Variants in FYB1 observed in about 807,000 individuals in gnomAD.
FYB1 encodes the protein FYN-binding protein 1.
FYB1 carries 41 observed loss-of-function variants against 94.1 expected under a neutral mutation model. That is an observed-to-expected ratio of 0.44 (90% CI 0.34 to 0.57). The LOEUF (loss-of-function observed/expected upper bound fraction) is 0.57. Among genes scored for constraint, FYB1 ranks in the 20% least tolerant of loss-of-function variants. FYB1 has a pLI of 0.02. For missense variants in FYB1, 1,050 were observed against 976.8 expected (o/e 1.07, Z -1.00); for synonymous variants, 367 against 353.2 (o/e 1.04, Z -0.44).
At chr5:39,239,247 A>G (rs1467929006) in intron 1 of FYB1, among the ~76,000 whole-genome samples, 2 of 152,122 alleles carry the variant, frequency 1.3e-5, no homozygotes, top group Non-Finnish European at 2.9e-5. Context: ...TTTGAGAACC[A>G]GAACAAGAAA....
At chr5:39,222,474 A>G (rs370320597), upstream of FYB1, among the ~76,000 whole-genome samples, 8 of 152,348 alleles carry the variant, frequency 5.3e-5, 1 homozygote, top group African/African-American at 1.9e-4. Context: ...CCAGCAATTT[A>G]TATCTCTCAG....
At chr5:39,253,649 G>T (rs940581801) in intron 1 of FYB1, among the ~76,000 whole-genome samples, 2 of 151,738 alleles carry the variant, frequency 1.3e-5, no homozygotes, top group Admixed American at 1.3e-4. Context: ...TGTGTTGTAA[G>T]GTATAGGATT....
intron 1 of FYB1, among the ~76,000 whole-genome samples, chr5:39,265,915 T>C (rs1752419081): frequency 6.6e-6 from 1 of 151,704 alleles, no homozygotes. Flanking sequence ...GGAGCTCCCA[T>C]GTAGCTTAAA....
intron 7 of FYB1, 86 bp downstream of exon 7, chr5:39,137,514 A>G: frequency 2.8e-6 from 4 of 1,429,124 alleles, no homozygotes; most frequent in East Asian, 2.5e-5. Context: ...TTCTTCAACT[A>G]TGTAAGTTTT....
intron 2 of FYB1, among the ~76,000 whole-genome samples, chr5:39,195,552 G>C (rs1040336763): frequency 6.6e-6 from 1 of 152,208 alleles, no homozygotes; most frequent in South Asian, 2.1e-4. Context: ...CAGATGAGGA[G>C]GGGGCCATCA....
At chr5:39,254,792 T>G (rs1751863175) in intron 1 of FYB1, among the ~76,000 whole-genome samples, 1 of 152,116 alleles carries the variant, frequency 6.6e-6, no homozygotes, top group African/African-American at 2.4e-5. Flanking sequence ...AGAGAAATGC[T>G]GAAGACAGGA....
chr5:39,222,099 T>G (rs1439300187), upstream of FYB1, among the ~76,000 whole-genome samples: 1 of 152,208 alleles, frequency 6.6e-6, no homozygotes, highest in African/African-American at 2.4e-5. Flanking sequence ...CTTCATGGAA[T>G]GTACTGCCCC....
At chr5:39,141,893 A>G (rs997832871) in intron 3 of FYB1, among the ~76,000 whole-genome samples, 10 of 151,150 alleles carry the variant, frequency 6.6e-5, no homozygotes, top group Non-Finnish European at 1.2e-4. Context: ...AAAAAAACTT[A>G]CATAGTTCCA....
chr5:39,139,769 TGTG>T (rs1322610852), intron 4 of FYB1: 1 of 152,134 alleles, frequency 6.6e-6, no homozygotes, highest in African/African-American at 2.4e-5. Flanking sequence ...ATAAAAACAG[TGTG>T]GTGTTGGTAT....
chr5:39,222,804 T>C (rs942450342), upstream of FYB1, among the ~76,000 whole-genome samples: 5 of 152,212 alleles, frequency 3.3e-5, no homozygotes, highest in African/African-American at 1.2e-4. Context: ...ATAAAATCTT[T>C]GCTCACAAAG....
chr5:39,109,159 C>A (rs1283893006), intron 17 of FYB1, among the ~76,000 whole-genome samples: 2 of 152,170 alleles, frequency 1.3e-5, no homozygotes, highest in East Asian at 3.9e-4. Context: ...ATGGAAGCAG[C>A]AGCAGGCCCT....
At chr5:39,224,218 G>C (rs74544695), upstream of FYB1, among the ~76,000 whole-genome samples, 380 of 152,338 alleles carry the variant, frequency 2.5e-3, 1 homozygote, top group African/African-American at 8.8e-3. Context: ...TGCTGTGCCA[G>C]ATAAAAGCCT....
intron 1 of FYB1, among the ~76,000 whole-genome samples, chr5:39,247,249 G>A (rs565966629): frequency 6.9e-4 from 105 of 151,322 alleles, no homozygotes; most frequent in Middle Eastern, 3.2e-3. Flanking sequence ...ATGGATTATA[G>A]TTCCCAGATA....
At chr5:39,207,786 C>A (rs181839524) in intron 1 of FYB1, among the ~76,000 whole-genome samples, 5 of 151,670 alleles carry the variant, frequency 3.3e-5, no homozygotes, top group African/African-American at 1.2e-4. Flanking sequence ...GGGGGTGGGC[C>A]GGGGAATTTC....
intron 9 of FYB1, among the ~76,000 whole-genome samples, chr5:39,132,696 C>G (rs1019247376): frequency 6.6e-6 from 1 of 152,054 alleles, no homozygotes. Flanking sequence ...ATTGTTTTTT[C>G]TGGATTTGTT....
At chr5:39,184,866 C>G (rs35205843) in intron 2 of FYB1, among the ~76,000 whole-genome samples, 3,338 of 152,086 alleles carry the variant, frequency 0.022, 60 homozygotes, top group Non-Finnish European at 0.036. Context: ...CCTGTTCTAA[C>G]TTAGTTATAC....
intron 1 of FYB1, 47 bp from the exon 2 acceptor site, chr5:39,203,034 T>C: frequency 6.5e-7 from 1 of 1,545,144 alleles, no homozygotes; most frequent in East Asian, 2.2e-5. Context: ...AAAGTCTTAC[T>C]TGCACAGTTT....
chr5:39,197,098 G>A (rs992216492), intron 2 of FYB1, among the ~76,000 whole-genome samples: 1 of 152,132 alleles, frequency 6.6e-6, no homozygotes, highest in African/African-American at 2.4e-5. Flanking sequence ...AACAGTATTA[G>A]TTTAAAAGGC....
intron 1 of FYB1, among the ~76,000 whole-genome samples, chr5:39,246,063 G>A (rs1339832585): frequency 6.6e-6 from 1 of 152,208 alleles, no homozygotes; most frequent in Non-Finnish European, 1.5e-5. Flanking sequence ...AAGAAAGTCT[G>A]CTTTTTTCTT....
Sources: allele counts gnomAD v4.1 joint callset (sites outside exome capture counted in the v4.1 genomes callset), GRCh38; gene constraint gnomAD v4.1.1; transcripts MANE v1.5; gene names NCBI Gene and HGNC (gene_info 2026-07-23, HGNC 2026-07-21).